MTMR3: variants seen among roughly 807,000 people sequenced by gnomAD.
MTMR3 encodes the protein myotubularin related protein 3.
MTMR3 carries 32 observed loss-of-function variants against 132.4 expected under a neutral mutation model. That is an observed-to-expected ratio of 0.24 (90% CI 0.18 to 0.32). The LOEUF is 0.32. Ranked by LOEUF, MTMR3 falls within the 10% of genes least tolerant of loss-of-function variation. The pLI, the probability that MTMR3 is intolerant of heterozygous loss-of-function variation, is 1.00. For missense variants in MTMR3, 1,216 were observed against 1,489.6 expected (o/e 0.82, Z 3.02); for synonymous variants, 556 against 550.3 (o/e 1.01, Z -0.14).
At chr22:29,957,588 C>G (rs2145845183) in intron 2 of MTMR3, among the ~76,000 whole-genome samples, 1 of 152,194 alleles carries the variant, frequency 6.6e-6, no homozygotes, top group East Asian at 1.9e-4. Flanking sequence ...GTTGCTGGGA[C>G]TACAGGTGTG....
intron 1 of MTMR3, among the ~76,000 whole-genome samples, chr22:29,939,919 A>G (rs1439850711): frequency 6.6e-6 from 1 of 152,104 alleles, no homozygotes; most frequent in Non-Finnish European, 1.5e-5. Flanking sequence ...ACCCTAACTG[A>G]TCAATTGACC....
At chr22:29,909,539 G>A (rs1001508310) in intron 1 of MTMR3, among the ~76,000 whole-genome samples, 33 of 152,180 alleles carry the variant, frequency 2.2e-4, no homozygotes, top group African/African-American at 7.9e-4. Context: ...ATAAAATGAG[G>A]ATAATAATAT....
At position 30,016,514 on chromosome 22, in the gene MTMR3, T is replaced by A. The variant is rs201102147; in HGVS notation, c.1504-14T>A. 2 of 1,612,240 alleles carry A rather than the reference T, an allele frequency of 1.2e-6. No homozygotes were observed. ...GCCTGATTGCTTAATTTGTGCTTCA[T>A]TGGACTTCCATAGGTGAAACTGGTG... On this transcript the variant is annotated splice_polypyrimidine_tract_variant and intron_variant, in intron 14 of 19. Coordinates refer to ENST00000401950, the MANE Select transcript of MTMR3 (RefSeq NM_021090.4).
intron 1 of MTMR3, among the ~76,000 whole-genome samples, chr22:29,888,922 C>T (rs2064735962): frequency 6.6e-6 from 1 of 151,624 alleles, no homozygotes; most frequent in South Asian, 2.1e-4. Flanking sequence ...ACTTTTATAA[C>T]TTAGTTGCAG....
intron 5 of MTMR3, chr22:29,979,983 G>A (rs1569034126): frequency 6.6e-6 from 1 of 152,128 alleles, no homozygotes; most frequent in African/African-American, 2.4e-5. Context: ...TAAATGAAAC[G>A]AATAAAGGCT....
chr22:29,960,132 T>A (rs897450128), intron 2 of MTMR3, among the ~76,000 whole-genome samples: 1 of 152,178 alleles, frequency 6.6e-6, no homozygotes. Flanking sequence ...TTAATTTTGA[T>A]GCCAGGAAAC....
chr22:29,955,020 T>G (rs1358391778), intron 1 of MTMR3, among the ~76,000 whole-genome samples: 2 of 152,232 alleles, frequency 1.3e-5, no homozygotes, highest in African/African-American at 4.8e-5. Context: ...TCTAGGGTCT[T>G]ACTTTGTTGG....
chr22:29,903,240 A>G (rs1361210156), intron 1 of MTMR3, among the ~76,000 whole-genome samples: 2 of 152,084 alleles, frequency 1.3e-5, no homozygotes, highest in African/African-American at 4.8e-5. Context: ...AATAAAATAA[A>G]AATAAAAAAG....
At chr22:29,910,340 T>C (rs1043773962) in intron 1 of MTMR3, among the ~76,000 whole-genome samples, 10 of 152,208 alleles carry the variant, frequency 6.6e-5, no homozygotes, top group African/African-American at 2.4e-4. Flanking sequence ...TAGTTGGTAG[T>C]AAACTGATCA....
chr22:29,949,228 C>T (rs1288748357), intron 1 of MTMR3, among the ~76,000 whole-genome samples: 2 of 144,476 alleles, frequency 1.4e-5, no homozygotes, highest in African/African-American at 5.1e-5. Context: ...TGGCTCATGC[C>T]TGTAATCCCA....
intron 3 of MTMR3, among the ~76,000 whole-genome samples, chr22:29,972,875 ATAT>A (rs1451370206): frequency 6.6e-6 from 1 of 152,162 alleles, no homozygotes; most frequent in African/African-American, 2.4e-5. Flanking sequence ...CCCATTGGTT[ATAT>A]TCCTTTCTAA....
chr22:29,943,500 T>C (rs1187807742), intron 1 of MTMR3, among the ~76,000 whole-genome samples: 1 of 152,150 alleles, frequency 6.6e-6, no homozygotes. Context: ...TTGATGTGTG[T>C]ATTTTTCTTG....
intron 1 of MTMR3, among the ~76,000 whole-genome samples, chr22:29,894,807 C>G (rs953824171): frequency 1.3e-5 from 2 of 152,194 alleles, no homozygotes; most frequent in Non-Finnish European, 2.9e-5. Context: ...TGTTAGTTTA[C>G]TGCACACTTG....
At chr22:29,914,285 C>T (rs923542947) in intron 1 of MTMR3, among the ~76,000 whole-genome samples, 1 of 152,190 alleles carries the variant, frequency 6.6e-6, no homozygotes, top group Non-Finnish European at 1.5e-5. Flanking sequence ...TTCTTACTAA[C>T]TTAAGTCATT....
intron 1 of MTMR3, among the ~76,000 whole-genome samples, chr22:29,945,712 G>GAAAAAA (rs1238843477): frequency 1.3e-5 from 1 of 78,110 alleles, no homozygotes; most frequent in African/African-American, 6.4e-5. Context: ...TCTTTAAAAT[G>GAAAAAA]AAAAAGAAAA....
At position 30,030,642 on chromosome 22, in the gene MTMR3, G is replaced by GC. The variant is rs2067996904; in HGVS notation, c.*4841_*4842insC. 4 of 108,366 alleles carry GC rather than the reference G, an allele frequency of 3.7e-5. No homozygotes were observed. The highest frequency in any genetic ancestry group is 3.4e-4 in the East Asian group (1 of 2,958). The allele number at this position is 108,366 out of a possible 1,614,324, so 6.7% of individuals were successfully genotyped here. A position where few individuals can be genotyped will look rare whatever the true frequency, so the allele number is the denominator to read the frequency against. The stretch of plus-strand genomic sequence containing the variant: ...GGGCTCTCAGCGAGGAGGGGGCGGG[G>GC]GGGGGGTCACTATTTATCTTCCAGA... On this transcript the variant is annotated 3_prime_UTR_variant, in exon 20 of 20. Transcript: ENST00000401950.
At chr22:29,892,118 A>T (rs1380045876) in intron 1 of MTMR3, among the ~76,000 whole-genome samples, 2 of 151,766 alleles carry the variant, frequency 1.3e-5, no homozygotes, top group Non-Finnish European at 2.9e-5. Flanking sequence ...GTGCCACTGC[A>T]CTGCAGCCTG....
intron 1 of MTMR3, among the ~76,000 whole-genome samples, chr22:29,903,635 C>T (rs139216279): frequency 4.6e-5 from 7 of 152,084 alleles, no homozygotes; most frequent in African/African-American, 1.2e-4. Context: ...TCGAGAGATC[C>T]GCCTGCCTCA....
intron 1 of MTMR3, among the ~76,000 whole-genome samples, chr22:29,935,206 G>A (rs2065725024): frequency 6.6e-6 from 1 of 152,140 alleles, no homozygotes; most frequent in South Asian, 2.1e-4. Flanking sequence ...ATTTACAATA[G>A]GACATTAGTG....
Sources: allele counts gnomAD v4.1 joint callset (sites outside exome capture counted in the v4.1 genomes callset), GRCh38; gene constraint gnomAD v4.1.1; transcripts MANE v1.5; gene names NCBI Gene and HGNC (gene_info 2026-07-23, HGNC 2026-07-21).